Variants in CHCHD3 observed in about 807,000 individuals in gnomAD.
CHCHD3 encodes the protein coiled-coil-helix-coiled-coil-helix domain containing 3.
Under a neutral mutation model 38.2 loss-of-function variants are expected in CHCHD3, and 20 were observed. The ratio of observed to expected loss-of-function variants is 0.52; its 90% CI spans 0.37 to 0.76. The LOEUF (loss-of-function observed/expected upper bound fraction) is 0.76. Among genes scored for constraint, CHCHD3 ranks in the 30% least tolerant of loss-of-function variants. CHCHD3 has a pLI of 0.00. For missense variants in CHCHD3, 245 were observed against 279.2 expected, an observed-to-expected ratio of 0.88 and a Z score of 0.87; for synonymous variants, 82 against 100.0, an observed-to-expected ratio of 0.82 and a Z score of 1.07.
In CHCHD3 at chr7:133,022,528, T is replaced by C. The variant is rs765045248; in HGVS notation, c.251+2018A>G. On this transcript the variant is annotated intron_variant, in intron 3 of 7. Coordinates refer to ENST00000262570, the MANE Select transcript of CHCHD3 (RefSeq NM_017812.4). Reference sequence around the variant, plus strand: ...AAAAAAAGAAAGAAAAATATAGCTATTGATTCTCCTAAGAACTATCATATA... The same window carrying C: ...AAAAAAAGAAAGAAAAATATAGCTACTGATTCTCCTAAGAACTATCATATA... 4 of 456,290 alleles carry C rather than the reference T, an allele frequency of 8.8e-6. 1 individual carries two copies. The highest frequency in any genetic ancestry group is 6.2e-5 in the South Asian group (4 of 64,554). The allele number at this position is 456,290 out of a possible 1,614,324, so 28.3% of individuals were successfully genotyped here. A position where few individuals can be genotyped will look rare whatever the true frequency, so the allele number is the denominator to read the frequency against.
At position 133,081,999 on chromosome 7, in the gene CHCHD3, C is replaced by T; in HGVS notation, c.-62G>A. Reference sequence around the variant, plus strand: ...AACCACGAGCACTTCGGGGCCCCCGCACCCACACGCGCGTGGAAGGGCCTG... The same window carrying T: ...AACCACGAGCACTTCGGGGCCCCCGTACCCACACGCGCGTGGAAGGGCCTG... On this transcript the variant is annotated 5_prime_UTR_variant, in exon 1 of 8. Coordinates refer to ENST00000262570, the MANE Select transcript of CHCHD3 (RefSeq NM_017812.4). 7.1e-7 allele frequency: 1 copy of T among 1,401,704 alleles called. No homozygotes were observed. Among genetic ancestry groups the T allele is most frequent in the South Asian group, 1.4e-5 (1 of 71,666 alleles). The allele number at this position is 1,401,704 out of a possible 1,614,324, so 86.8% of individuals were successfully genotyped here.
intron 4 of CHCHD3, among the ~76,000 whole-genome samples, chr7:132,962,911 A>G (rs1458829508): frequency 6.6e-6 from 1 of 152,170 alleles, no homozygotes; most frequent in Non-Finnish European, 1.5e-5. Context: ...TTGCCAATAT[A>G]TGATCCTAGA....
At chr7:132,984,766 G>A (rs1036166773) in intron 3 of CHCHD3, among the ~76,000 whole-genome samples, 1 of 148,584 alleles carries the variant, frequency 6.7e-6, no homozygotes. Context: ...CGTCTGAGAA[G>A]TGAGGAGCCC....
intron 2 of CHCHD3, among the ~76,000 whole-genome samples, chr7:133,038,298 A>T (rs1382214400): frequency 1.3e-5 from 2 of 152,172 alleles, no homozygotes; most frequent in Non-Finnish European, 2.9e-5. Flanking sequence ...ATGCAATCAT[A>T]TACCTTTATA....
At chr7:132,830,445 A>G (rs2066161493) in intron 6 of CHCHD3, among the ~76,000 whole-genome samples, 1 of 152,202 alleles carries the variant, frequency 6.6e-6, no homozygotes, top group Non-Finnish European at 1.5e-5. Flanking sequence ...CATTTTTTAG[A>G]TAAGGATCAA....
chr7:132,804,483 T>G (rs780422379), intron 6 of CHCHD3, among the ~76,000 whole-genome samples: 8 of 152,272 alleles, frequency 5.3e-5, no homozygotes, highest in Non-Finnish European at 1.0e-4. Context: ...GAAATTTCAT[T>G]TGAGTAGTCC....
chr7:133,036,854 T>A (rs1813692753), intron 2 of CHCHD3, among the ~76,000 whole-genome samples: 1 of 152,226 alleles, frequency 6.6e-6, no homozygotes, highest in African/African-American at 2.4e-5. Flanking sequence ...TACTATAGTT[T>A]GCAAGAGACT....
At chr7:133,008,129 C>A (rs1812751917) in intron 3 of CHCHD3, among the ~76,000 whole-genome samples, 1 of 152,180 alleles carries the variant, frequency 6.6e-6, no homozygotes, top group Admixed American at 6.5e-5. Context: ...CTGGACAACA[C>A]CCTTAAGATG....
intron 3 of CHCHD3, among the ~76,000 whole-genome samples, chr7:133,021,951 G>C (rs1000003611): frequency 2.0e-5 from 3 of 152,104 alleles, no homozygotes; most frequent in Admixed American, 2.0e-4. Context: ...GCCGGGTGTG[G>C]TGGCGGGCGC....
intron 4 of CHCHD3, among the ~76,000 whole-genome samples, chr7:132,918,536 T>C (rs1810176987): frequency 6.6e-6 from 1 of 152,234 alleles, no homozygotes; most frequent in Non-Finnish European, 1.5e-5. Context: ...ATTTCCCAAT[T>C]GTCTCACATG....
At chr7:132,923,301 T>C (rs1182961587) in intron 4 of CHCHD3, among the ~76,000 whole-genome samples, 2 of 152,188 alleles carry the variant, frequency 1.3e-5, no homozygotes, top group Non-Finnish European at 2.9e-5. Context: ...TAAATGTCTA[T>C]GTGTTTCAGC....
intron 2 of CHCHD3, among the ~76,000 whole-genome samples, chr7:133,067,528 G>A (rs1814705746): frequency 6.6e-6 from 1 of 152,184 alleles, no homozygotes; most frequent in Non-Finnish European, 1.5e-5. Context: ...ACCATTTTGA[G>A]GAAGAGGAGG....
At chr7:133,053,875 A>T (rs1316829619) in intron 2 of CHCHD3, among the ~76,000 whole-genome samples, 1 of 152,220 alleles carries the variant, frequency 6.6e-6, no homozygotes, top group Non-Finnish European at 1.5e-5. Flanking sequence ...AAAATTTTGC[A>T]TGAATGAACA....
intron 1 of CHCHD3, among the ~76,000 whole-genome samples, chr7:133,072,610 T>C (rs1814856419): frequency 6.6e-6 from 1 of 151,824 alleles, no homozygotes; most frequent in African/African-American, 2.4e-5. Flanking sequence ...GAGGCCGAGG[T>C]GGGCGGATCA....
intron 5 of CHCHD3, among the ~76,000 whole-genome samples, chr7:132,884,828 G>T (rs1809163249): frequency 6.6e-6 from 1 of 152,126 alleles, no homozygotes; most frequent in African/African-American, 2.4e-5. Flanking sequence ...GACCCATGCT[G>T]ACTTGACGCC....
At chr7:132,984,121 T>C (rs1812005054) in intron 3 of CHCHD3, among the ~76,000 whole-genome samples, 1 of 151,128 alleles carries the variant, frequency 6.6e-6, no homozygotes. Context: ...GAGCCAAAGC[T>C]GGACTGTACT....
intron 4 of CHCHD3, among the ~76,000 whole-genome samples, chr7:132,906,008 T>G (rs1346143316): frequency 6.6e-6 from 1 of 152,208 alleles, no homozygotes; most frequent in Non-Finnish European, 1.5e-5. Flanking sequence ...CCTTTACACA[T>G]TTACAATACT....
chr7:132,857,132 C>T (rs1328260867), intron 5 of CHCHD3, among the ~76,000 whole-genome samples: 7 of 152,170 alleles, frequency 4.6e-5, no homozygotes, highest in Non-Finnish European at 1.0e-4. Flanking sequence ...CTGTAAAGTA[C>T]CTGCGATGCA....
chr7:133,048,354 T>G (rs556270865), intron 2 of CHCHD3, among the ~76,000 whole-genome samples: 6 of 152,214 alleles, frequency 3.9e-5, no homozygotes, highest in African/African-American at 1.4e-4. Context: ...GAGAACAATA[T>G]AAAACAATAA....
Sources: gnomAD v4.1 joint callset for allele counts (sites outside exome capture counted in the v4.1 genomes callset) on GRCh38, gnomAD v4.1.1 for gene constraint, MANE v1.5 for transcripts, NCBI Gene and HGNC (gene_info 2026-07-23, HGNC 2026-07-21) for gene names.